DLG2: variants seen among roughly 807,000 people sequenced by gnomAD.
The protein encoded by DLG2 is discs large MAGUK scaffold protein 2, also known as disks large homolog 2.
In DLG2, 45 loss-of-function variants were observed where a neutral mutation model predicts 132.5. The observed-to-expected ratio is 0.34, with a 90% confidence interval of 0.27 to 0.44. The LOEUF (loss-of-function observed/expected upper bound fraction) is 0.44. Ranked by LOEUF, DLG2 falls within the 20% of genes least tolerant of loss-of-function variation. DLG2 has a pLI of 1.00. For synonymous variants in DLG2, 424 were observed against 419.6 expected (o/e 1.01, Z -0.13); for missense variants, 1,045 against 1,196.9 (o/e 0.87, Z 1.87).
chr11:85,249,967 T>C (rs1261381157), intron 4 of DLG2, among the ~76,000 whole-genome samples: 1 of 151,828 alleles, frequency 6.6e-6, no homozygotes, highest in Non-Finnish European at 1.5e-5. Flanking sequence ...AGGAACATTG[T>C]CCTTACTCTA....
At chr11:85,167,619 A>G (rs2078551282) in intron 4 of DLG2, among the ~76,000 whole-genome samples, 3 of 152,110 alleles carry the variant, frequency 2.0e-5, no homozygotes, top group South Asian at 4.1e-4. Context: ...TGCCTAGTTT[A>G]TTACCATTAG....
intron 3 of DLG2, among the ~76,000 whole-genome samples, chr11:85,388,395 C>T (rs2086524310): frequency 6.6e-6 from 1 of 152,146 alleles, no homozygotes; most frequent in African/African-American, 2.4e-5. Flanking sequence ...AAGGACATAT[C>T]TCTTGGGAGC....
In DLG2 at chr11:85,372,809, G is replaced by A. The variant is rs150842928; in HGVS notation, c.41-87444C>T. 1.8e-3 allele frequency among the ~76,000 whole-genome samples: 266 copies of A among 151,788 alleles called. 1 individual carries two copies. The highest frequency in any genetic ancestry group is 6.2e-3 in the African/African-American group (258 of 41,404). On this transcript the variant is annotated intron_variant, in intron 3 of 27. Coordinates refer to ENST00000376104, the MANE Select transcript of DLG2 (RefSeq NM_001142699.3). ...CTCAGGAATACAAGGATGGAAGAGG[G>A]AAAGTGGACGCTCTTCCCTCTCTCC...
chr11:83,681,281 G>A (rs1320675471), intron 18 of DLG2, among the ~76,000 whole-genome samples: 1 of 152,138 alleles, frequency 6.6e-6, no homozygotes. Flanking sequence ...TCCTTCTGAA[G>A]AGGAAATGAC....
In DLG2 at chr11:85,122,973, T is replaced by TATATATATATATA. The variant is rs61296374; in HGVS notation, c.283-11239_283-11238insTATATATATATAT. ...ATTATATATATATATATATATATTT[T>TATATATATATATA]TTTTTTTTTTTTTTTTTTTTTTGAG... On this transcript the variant is annotated intron_variant, in intron 5 of 27. Coordinates refer to ENST00000376104, the MANE Select transcript of DLG2 (RefSeq NM_001142699.3). Among the ~76,000 whole-genome samples the TATATATATATATA allele has an allele frequency of 2.2e-3, 105 of 47,184 alleles. 2 individuals are homozygous for TATATATATATATA. The highest frequency in any genetic ancestry group is 9.5e-3 in the African/African-American group (103 of 10,860). 31.0% of individuals were successfully genotyped at this position (47,184 alleles called of 152,430 possible). A position where few individuals can be genotyped will look rare whatever the true frequency, so the allele number is the denominator to read the frequency against.
intron 15 of DLG2, among the ~76,000 whole-genome samples, chr11:83,921,481 A>G (rs970542871): frequency 6.6e-6 from 1 of 152,316 alleles, no homozygotes; most frequent in Non-Finnish European, 1.5e-5. Context: ...ATAAGTCATT[A>G]TAAGGTTAAA....
rs1345059620 is a variant in DLG2, at chr11:84,151,335, G to A, written c.624+12126C>T. Among the ~76,000 whole-genome samples the A allele has an allele frequency of 1.1e-4, 16 of 152,146 alleles. No individual in the cohort carries two copies. The East Asian group carries it at 3.1e-3, about 29-fold the overall frequency. On this transcript the variant is annotated intron_variant, in intron 9 of 27. Coordinates refer to ENST00000376104, the MANE Select transcript of DLG2 (RefSeq NM_001142699.3). Reference sequence around the variant, plus strand: ...TTTCTCTAGATTTTCTAGCTTGTGTGTATAGAGGTGATCACAACAGTCTCT... The same window carrying A: ...TTTCTCTAGATTTTCTAGCTTGTGTATATAGAGGTGATCACAACAGTCTCT...
chr11:85,311,723 T>G (rs2080327254), intron 3 of DLG2, among the ~76,000 whole-genome samples: 1 of 152,092 alleles, frequency 6.6e-6, no homozygotes, highest in African/African-American at 2.4e-5. Context: ...TTATACCCTT[T>G]ACAACATGCC....
intron 3 of DLG2, among the ~76,000 whole-genome samples, chr11:85,335,421 G>A (rs2082061127): frequency 6.6e-6 from 1 of 152,036 alleles, no homozygotes; most frequent in Admixed American, 6.6e-5. Flanking sequence ...TACCTTCAAG[G>A]TTATATTGAT....
intron 8 of DLG2, among the ~76,000 whole-genome samples, chr11:84,237,762 G>A (rs1365137754): frequency 2.7e-5 from 4 of 147,662 alleles, no homozygotes; most frequent in African/African-American, 1.0e-4. Context: ...ACACAGCCGG[G>A]CATGGTGGCT....
intron 17 of DLG2, among the ~76,000 whole-genome samples, chr11:83,832,522 C>T (rs1347357551): frequency 6.6e-6 from 1 of 152,150 alleles, no homozygotes; most frequent in Non-Finnish European, 1.5e-5. Context: ...CCAAATACCA[C>T]ATGTTCTTAC....
intron 6 of DLG2, among the ~76,000 whole-genome samples, chr11:85,027,155 G>A (rs1167856658): frequency 7.3e-6 from 1 of 137,126 alleles, no homozygotes; most frequent in African/African-American, 2.7e-5. Context: ...TTGTAAAGCA[G>A]CATATACAGT....
At position 84,314,347 on chromosome 11, in the gene DLG2, G is replaced by T. The variant is rs373138264; in HGVS notation, c.520-63056C>A. ...ACAGGATATTCCCAGTTAATTTAAG[G>T]GGTAAAAAGTAGTATCATGAAATTC... On this transcript the variant is annotated intron_variant, in intron 7 of 27. Coordinates refer to ENST00000376104, the MANE Select transcript of DLG2 (RefSeq NM_001142699.3). Among the ~76,000 whole-genome samples, 66 of 152,238 alleles carry T rather than the reference G, an allele frequency of 4.3e-4. 1 individual carries two copies. The South Asian group carries it at 0.013, about 31-fold the overall frequency.
chr11:83,707,489 G>C (rs1272027905), intron 18 of DLG2, among the ~76,000 whole-genome samples: 1 of 152,204 alleles, frequency 6.6e-6, no homozygotes, highest in Non-Finnish European at 1.5e-5. Flanking sequence ...GGCTAACATG[G>C]TGAAAACCCA....
chr11:84,460,802 G>A (rs775640332), intron 7 of DLG2, among the ~76,000 whole-genome samples: 1 of 150,636 alleles, frequency 6.6e-6, no homozygotes. Flanking sequence ...GACAGGTGAG[G>A]TTCTTGCCCT....
chr11:83,845,984 C>A (rs1474856747), intron 16 of DLG2, among the ~76,000 whole-genome samples: 1 of 152,154 alleles, frequency 6.6e-6, no homozygotes, highest in East Asian at 1.9e-4. Context: ...AAAGTTATGA[C>A]CTTTGAAAGG....
intron 7 of DLG2, among the ~76,000 whole-genome samples, chr11:84,493,489 A>G (rs2154498460): frequency 6.6e-6 from 1 of 152,188 alleles, no homozygotes; most frequent in East Asian, 1.9e-4. Context: ...TCATAATAAT[A>G]GCTCCTATTT....
At chr11:85,075,356 A>T (rs769821551) in intron 6 of DLG2, among the ~76,000 whole-genome samples, 1 of 151,882 alleles carries the variant, frequency 6.6e-6, no homozygotes, top group African/African-American at 2.4e-5. Context: ...GTGTCTAAGG[A>T]TGTTCATTGC....
chr11:85,130,029 G>A (rs1481079238), intron 5 of DLG2, among the ~76,000 whole-genome samples: 2 of 152,076 alleles, frequency 1.3e-5, no homozygotes, highest in Non-Finnish European at 2.9e-5. Context: ...GCACAGGGAG[G>A]GGAGCATCAC....
Sources: gnomAD v4.1 joint callset for allele counts (sites outside exome capture counted in the v4.1 genomes callset) on GRCh38, gnomAD v4.1.1 for gene constraint, MANE v1.5 for transcripts, NCBI Gene and HGNC (gene_info 2026-07-23, HGNC 2026-07-21) for gene names.